The following TENT5D variants were observed in gnomAD, a reference collection of about 807,000 sequenced individuals.
The protein encoded by TENT5D is cancer/testis antigen 112.
For synonymous variants in TENT5D, 103 were observed against 100.6 expected, an observed-to-expected ratio of 1.02 and a Z score of -0.15; for missense variants, 191 against 287.0, an observed-to-expected ratio of 0.67 and a Z score of 2.42.
chrX:80,345,070 G>A (rs1930033077), intron 3 of TENT5D, among the ~76,000 whole-genome samples: 1 of 111,526 alleles, frequency 9.0e-6, no homozygotes, highest in Non-Finnish European at 1.9e-5. Flanking sequence ...TTTATAATGA[G>A]TACTAGTACT....
intron 3 of TENT5D, among the ~76,000 whole-genome samples, chrX:80,410,189 A>G (rs1311374115): frequency 9.1e-6 from 1 of 110,301 alleles, no homozygotes; most frequent in Admixed American, 9.7e-5. Context: ...ATGGGCAAGG[A>G]CTTCATGTCC....
intron 2 of TENT5D, among the ~76,000 whole-genome samples, chrX:80,339,316 C>T (rs1929911685): frequency 1.8e-5 from 2 of 111,317 alleles, no homozygotes; most frequent in African/African-American, 6.5e-5. Flanking sequence ...GGAAATCTTT[C>T]TAGTTTGTAT....
chrX:80,393,953 T>C (rs896543332), intron 3 of TENT5D, among the ~76,000 whole-genome samples: 2 of 112,154 alleles, frequency 1.8e-5, no homozygotes, highest in Non-Finnish European at 3.8e-5. Context: ...TACCCACTCA[T>C]TGATGGATGA....
At chrX:80,405,350 A>T (rs2147548141) in intron 3 of TENT5D, among the ~76,000 whole-genome samples, 1 of 112,572 alleles carries the variant, frequency 8.9e-6, no homozygotes, top group East Asian at 2.8e-4. Context: ...TACCGGGTTC[A>T]TCTCACTAGG....
At chrX:80,429,555 G>A (rs1452227896) in intron 1 of TENT5D, among the ~76,000 whole-genome samples, 3 of 109,666 alleles carry the variant, frequency 2.7e-5, no homozygotes, top group African/African-American at 1.0e-4. Flanking sequence ...CTCCTGCCTC[G>A]GCCTCCCAAA....
chrX:80,426,566 G>T lies in TENT5D; in HGVS notation c.-142+6003G>T, dbSNP rs993325754. 2.7e-5 allele frequency among the ~76,000 whole-genome samples: 3 copies of T among 111,556 alleles called. 1 individual carries two copies. Among genetic ancestry groups the T allele is most frequent in the African/African-American group, 9.7e-5 (3 of 30,793 alleles). On this transcript the variant is annotated intron_variant, in intron 1 of 2. Coordinates refer to ENST00000308293, the Ensembl canonical transcript of TENT5D. The stretch of plus-strand genomic sequence containing the variant: ...CTTTTATTTTAATGCTTAACTTAAA[G>T]AAAAATCTATGTAATACTCCTTTGA...
chrX:80,361,199 T>C (rs767474099), intron 3 of TENT5D, among the ~76,000 whole-genome samples: 9 of 112,308 alleles, frequency 8.0e-5, no homozygotes, highest in Non-Finnish European at 1.9e-5. Flanking sequence ...AGGAGATAAC[T>C]CAATATGGCC....
intron 3 of TENT5D, among the ~76,000 whole-genome samples, chrX:80,343,270 C>T (rs1382831153): frequency 9.0e-6 from 1 of 111,507 alleles, no homozygotes; most frequent in Non-Finnish European, 1.9e-5. Flanking sequence ...GTGGTGCAGT[C>T]ACTGTGGCAT....
At chrX:80,416,234 C>T (rs1399764121), upstream of TENT5D, among the ~76,000 whole-genome samples, 2 of 104,700 alleles carry the variant, frequency 1.9e-5, no homozygotes, top group Non-Finnish European at 3.9e-5. Flanking sequence ...TTCAAAGAAC[C>T]AACTCCTGGC....
intron 3 of TENT5D, among the ~76,000 whole-genome samples, chrX:80,359,959 A>G (rs972520530): frequency 2.7e-5 from 3 of 111,757 alleles, no homozygotes; most frequent in Non-Finnish European, 5.6e-5. Context: ...TACAAATCAA[A>G]TAAGCATATT....
intron 3 of TENT5D, among the ~76,000 whole-genome samples, chrX:80,356,291 A>G (rs1930282703): frequency 8.9e-6 from 1 of 111,958 alleles, no homozygotes; most frequent in Admixed American, 9.5e-5. Flanking sequence ...GAATATATCT[A>G]AAGTTGAGAG....
chrX:80,375,402 T>G (rs1930706772), intron 3 of TENT5D, among the ~76,000 whole-genome samples: 1 of 111,238 alleles, frequency 9.0e-6, no homozygotes, highest in Non-Finnish European at 1.9e-5. Context: ...GGACAGTGCC[T>G]TATTTTTTTG....
intron 3 of TENT5D, among the ~76,000 whole-genome samples, chrX:80,362,395 C>G (rs900389897): frequency 9.0e-6 from 1 of 111,682 alleles, no homozygotes; most frequent in African/African-American, 3.3e-5. Flanking sequence ...AATCTCCTGA[C>G]CTCGTGATCT....
chrX:80,386,360 A>G (rs1256140812), intron 3 of TENT5D, among the ~76,000 whole-genome samples: 1 of 110,621 alleles, frequency 9.0e-6, no homozygotes, highest in Non-Finnish European at 1.9e-5. Context: ...GAACAATGAG[A>G]ACCCTTGGAC....
intron 1 of TENT5D, among the ~76,000 whole-genome samples, chrX:80,435,370 A>G (rs1336624247): frequency 1.8e-5 from 2 of 112,257 alleles, no homozygotes; most frequent in African/African-American, 3.2e-5. Flanking sequence ...CAATACAGAG[A>G]TAAACTAAAT....
intron 3 of TENT5D, among the ~76,000 whole-genome samples, chrX:80,355,740 T>C (rs766213188): frequency 8.9e-6 from 1 of 111,967 alleles, no homozygotes; most frequent in Non-Finnish European, 1.9e-5. Flanking sequence ...CCCAGCTTCC[T>C]CCCTTTTCAG....
upstream of TENT5D, among the ~76,000 whole-genome samples, chrX:80,416,285 C>CCTT (rs1931773960): frequency 1.4e-5 from 1 of 70,740 alleles, no homozygotes; most frequent in Admixed American, 1.9e-4. Context: ...TTTTTTGCAT[C>CCTT]TGAATTTCCT....
At chrX:80,403,673 C>A (rs1316962826) in intron 3 of TENT5D, among the ~76,000 whole-genome samples, 1 of 112,235 alleles carries the variant, frequency 8.9e-6, no homozygotes, top group Admixed American at 9.4e-5. Context: ...TTCTATCCAC[C>A]AGATGGCCAG....
intron 3 of TENT5D, among the ~76,000 whole-genome samples, chrX:80,349,279 G>A (rs1046511136): frequency 9.0e-6 from 1 of 111,479 alleles, no homozygotes; most frequent in African/African-American, 3.3e-5. Context: ...CTGTTATTCT[G>A]TCTGGTCCTG....
Sources: gnomAD v4.1 joint callset for allele counts (sites outside exome capture counted in the v4.1 genomes callset) on GRCh38, gnomAD v4.1.1 for gene constraint, MANE v1.5 for transcripts, NCBI Gene and HGNC (gene_info 2026-07-23, HGNC 2026-07-21) for gene names.